MAST4: variants seen among roughly 807,000 people sequenced by gnomAD.
The protein encoded by MAST4 is microtubule associated serine/threonine kinase family member 4, also known as microtubule-associated serine/threonine-protein kinase 4.
A neutral mutation model predicts 162.7 loss-of-function variants in MAST4; 89 were observed. The observed-to-expected ratio is 0.55, with a 90% CI of 0.46 to 0.65. The LOEUF is 0.65. Among genes scored for constraint, MAST4 ranks in the 30% least tolerant of loss-of-function variants. MAST4 has a pLI of 0.00. For synonymous variants in MAST4, 1,479 were observed against 1,361.1 expected (o/e 1.09, Z -1.91); for missense variants, 3,153 against 3,374.0 (o/e 0.93, Z 1.62).
chr5:66,766,518 G>GT (rs143199163), intron 2 of MAST4, among the ~76,000 whole-genome samples: 2,008 of 147,342 alleles, frequency 0.014, 45 homozygotes, highest in Admixed American at 0.062. Flanking sequence ...ATTTTTTAGT[G>GT]TTTTTTTTTT....
At chr5:66,843,514 A>G (rs1758573872) in intron 3 of MAST4, among the ~76,000 whole-genome samples, 1 of 152,180 alleles carries the variant, frequency 6.6e-6, no homozygotes, top group African/African-American at 2.4e-5. Context: ...CTACTGCCTA[A>G]TGCCTATTGG....
chr5:67,116,307 G>T (rs1766906070), intron 12 of MAST4, among the ~76,000 whole-genome samples: 1 of 151,962 alleles, frequency 6.6e-6, no homozygotes, highest in Non-Finnish European at 1.5e-5. Context: ...CTCAGTTCAA[G>T]TGATTCTCCT....
At chr5:66,693,451 T>C (rs987121909) in intron 1 of MAST4, among the ~76,000 whole-genome samples, 50 of 152,228 alleles carry the variant, frequency 3.3e-4, no homozygotes, top group Admixed American at 3.2e-3. Flanking sequence ...GAAATGAAAT[T>C]GTTGAACTAC....
Position 66,680,703 on chromosome 5 carries a change from C to T in MAST4, c.364-79006C>T, listed in dbSNP as rs569634973. On this transcript the variant is annotated intron_variant, in intron 1 of 28. Coordinates refer to ENST00000403625, the MANE Select transcript of MAST4 (RefSeq NM_001164664.2). ...GTGCTGTTCTGCTCATGCTGAAGCA[C>T]GGGGAGAGGTTTTTCCCCCTTCTTT... 5.9e-5 allele frequency among the ~76,000 whole-genome samples: 9 copies of T among 152,268 alleles called. No homozygotes were observed. The South Asian group carries it at 8.3e-4, about 14-fold the overall frequency.
chr5:66,923,025 T>TG (rs1355294412), intron 4 of MAST4, among the ~76,000 whole-genome samples: 9 of 152,328 alleles, frequency 5.9e-5, no homozygotes, highest in Non-Finnish European at 8.8e-5. Context: ...AACAAATATT[T>TG]TCTTTTACAT....
intron 3 of MAST4, among the ~76,000 whole-genome samples, chr5:66,861,437 GTTA>G (rs1346521838): frequency 2.0e-5 from 3 of 152,314 alleles, no homozygotes; most frequent in Non-Finnish European, 4.4e-5. Flanking sequence ...GGAGGTAGCT[GTTA>G]TTATCCCCAT....
chr5:66,701,573 T>C (rs572586876), intron 1 of MAST4, among the ~76,000 whole-genome samples: 33 of 152,382 alleles, frequency 2.2e-4, no homozygotes, highest in Non-Finnish European at 3.5e-4. Context: ...GCTATTGCTA[T>C]TTGAATTTGG....
intron 4 of MAST4, among the ~76,000 whole-genome samples, chr5:66,924,738 T>A (rs1358444949): frequency 6.6e-6 from 1 of 152,164 alleles, no homozygotes; most frequent in Non-Finnish European, 1.5e-5. Flanking sequence ...ATGTAGGTGG[T>A]CATTTTAGAA....
chr5:67,036,254 G>C (rs1756003816), intron 4 of MAST4, among the ~76,000 whole-genome samples: 1 of 151,678 alleles, frequency 6.6e-6, no homozygotes, highest in African/African-American at 2.4e-5. Flanking sequence ...CTGCCTTTCT[G>C]CTTAGAAATT....
At position 66,828,656 on chromosome 5, in the gene MAST4, C is replaced by CAA. The variant is rs1271424190; in HGVS notation, c.642+39863_642+39864dup. 6 of 729,818 alleles carry CAA rather than the reference C, an allele frequency of 8.2e-6. No homozygotes were observed. The Admixed American group carries it at 1.6e-4, about 19-fold the overall frequency. 45.2% of individuals were successfully genotyped at this position (729,818 alleles called of 1,614,324 possible). ...CTTGCTGCTCTCTCCCACCGAACTG[C>CAA]AAGCATCCGTGATCTCCGAAGTTGC... On this transcript the variant is annotated intron_variant, in intron 3 of 28. Transcript: ENST00000403625.
intron 6 of MAST4, chr5:67,093,689 G>T (rs1432763059): frequency 4.4e-6 from 2 of 449,476 alleles, no homozygotes; most frequent in East Asian, 6.7e-5. Flanking sequence ...TCTTGGAATT[G>T]CTCATTCATC....
intron 1 of MAST4, among the ~76,000 whole-genome samples, chr5:66,641,227 A>T (rs1270464008): frequency 6.6e-6 from 1 of 151,954 alleles, no homozygotes; most frequent in Admixed American, 6.6e-5. Flanking sequence ...ATCTCGGCTC[A>T]TTGCAACTTT....
intron 1 of MAST4, among the ~76,000 whole-genome samples, chr5:66,711,091 C>T (rs192335921): frequency 2.3e-4 from 35 of 152,278 alleles, no homozygotes; most frequent in East Asian, 1.7e-3. Flanking sequence ...TGTCATCATA[C>T]GGGATGTCCC....
chr5:66,875,577 A>G (rs905466048), intron 3 of MAST4, among the ~76,000 whole-genome samples: 24 of 152,242 alleles, frequency 1.6e-4, no homozygotes, highest in African/African-American at 5.5e-4. Flanking sequence ...AATTTTTACC[A>G]CATGGTCAGG....
At chr5:66,814,401 C>T (rs535451851) in intron 3 of MAST4, among the ~76,000 whole-genome samples, 59 of 152,164 alleles carry the variant, frequency 3.9e-4, no homozygotes, top group Middle Eastern at 3.4e-3. Context: ...CTCCCTTGCG[C>T]CTAATCAAGT....
At chr5:67,147,887 G>A (rs1345636020) in intron 23 of MAST4, among the ~76,000 whole-genome samples, 1 of 152,156 alleles carries the variant, frequency 6.6e-6, no homozygotes, top group Admixed American at 6.5e-5. Context: ...GTGTTATGTG[G>A]AAGTCCATGA....
chr5:67,004,590 C>T (rs1392993981), intron 4 of MAST4: 2 of 168,806 alleles, frequency 1.2e-5, no homozygotes, highest in Non-Finnish European at 2.6e-5. Context: ...TCTCCCCCGC[C>T]CCTCGCAGAA....
At chr5:67,139,924 A>G (rs1770152200) in intron 19 of MAST4, among the ~76,000 whole-genome samples, 1 of 152,194 alleles carries the variant, frequency 6.6e-6, no homozygotes, top group South Asian at 2.1e-4. Context: ...TAAATCAGCT[A>G]TGGGCTGTAA....
At chr5:66,833,113 G>C (rs774219381) in intron 3 of MAST4, among the ~76,000 whole-genome samples, 3 of 152,144 alleles carry the variant, frequency 2.0e-5, no homozygotes, top group Non-Finnish European at 2.9e-5. Context: ...TCTAAGAGTG[G>C]ATTTTAACTG....
Sources: allele counts gnomAD v4.1 joint callset (sites outside exome capture counted in the v4.1 genomes callset), GRCh38; gene constraint gnomAD v4.1.1; transcripts MANE v1.5; gene names NCBI Gene and HGNC (gene_info 2026-07-23, HGNC 2026-07-21).